Variants in BEST3 observed in about 807,000 individuals in gnomAD.
BEST3 encodes the protein bestrophin 3, also known as bestrophin-3.
In BEST3, 50 loss-of-function variants were observed where a neutral mutation model predicts 47.1. The observed-to-expected ratio is 1.06, with a 90% confidence interval of 0.85 to 1.34. The LOEUF (loss-of-function observed/expected upper bound fraction) is 1.34. BEST3 is among the 40% of genes most tolerant of loss of function. The pLI is 0.00. For missense variants in BEST3, 765 were observed against 817.0 expected (o/e 0.94, Z 0.78); for synonymous variants, 282 against 298.8 (o/e 0.94, Z 0.58).
chr12:69,649,848 G>C (rs11177767), downstream of BEST3, among the ~76,000 whole-genome samples: 1 of 152,018 alleles, frequency 6.6e-6, no homozygotes, highest in Non-Finnish European at 1.5e-5. Flanking sequence ...ACGCACCAGC[G>C]CTTTTGTGCA....
intron 4 of BEST3, among the ~76,000 whole-genome samples, chr12:69,686,779 C>CAAAAAAAAAAAAACCA (rs71094728): frequency 1.0e-5 from 1 of 99,382 alleles, no homozygotes; most frequent in Non-Finnish European, 2.0e-5. Context: ...CTCAAAAAAA[C>CAAAAAAAAAAAAACCA]AAAAAAAAAA....
rs1885438492 is a variant in BEST3 at position 69,684,467 on chromosome 12, G to T, written c.482-5574C>A. The T allele has an allele frequency of 1.3e-5, 7 of 538,106 alleles. No homozygotes were observed. The South Asian group carries it at 1.9e-4, about 15-fold the overall frequency. The allele number at this position is 538,106 out of a possible 1,614,324, so 33.3% of individuals were successfully genotyped here. On this transcript the variant is annotated intron_variant, in intron 4 of 9. Transcript: ENST00000330891. ...TAGAGATTCTGCCTGCTGTACAGTT[G>T]CTCTATTTTTCCTTGATTGAAGTTG...
downstream of BEST3, among the ~76,000 whole-genome samples, chr12:69,651,299 TGAGCCAGAAAA>T (rs1381983300): frequency 6.6e-6 from 1 of 152,214 alleles, no homozygotes; most frequent in Non-Finnish European, 1.5e-5. Flanking sequence ...GCAAGTGAAA[TGAGCCAGAAAA>T]GAGCCCATTT....
At position 69,671,281 on chromosome 12, in the gene BEST3, C is replaced by T. The variant is rs977129853; in HGVS notation, c.1100+147G>A. The T allele has an allele frequency of 1.9e-5, 15 of 772,708 alleles. No individual in the cohort carries two copies. The African/African-American group carries it at 2.4e-4, about 12-fold the overall frequency. The allele number at this position is 772,708 out of a possible 1,614,324, so 47.9% of individuals were successfully genotyped here. On this transcript the variant is annotated intron_variant, in intron 9 of 9. Transcript: ENST00000330891. ...CTGGGCTCAAGCAATCCTCCAACTG[C>T]AGCCTCCCCAAGTAGCTAGGACTAC...
chr12:69,693,551 C>T (rs1011048096), intron 4 of BEST3, 123 bp downstream of exon 4: 1 of 837,146 alleles, frequency 1.2e-6, no homozygotes, highest in Non-Finnish European at 1.8e-6. Flanking sequence ...AGGCATGAGC[C>T]ACCGCGCCCA....
At chr12:69,689,296 GT>G in intron 4 of BEST3, 1 of 984,386 alleles carries the variant, frequency 1.0e-6, no homozygotes, top group Non-Finnish European at 1.2e-6. Flanking sequence ...GCAGCAGGAA[GT>G]TCAGTGAGTC....
intron 7 of BEST3, among the ~76,000 whole-genome samples, chr12:69,674,364 G>C (rs1328972530): frequency 6.6e-6 from 1 of 152,176 alleles, no homozygotes; most frequent in African/African-American, 2.4e-5. Context: ...CTCCCCGAGA[G>C]ATTCTGATTT....
intron 4 of BEST3, among the ~76,000 whole-genome samples, chr12:69,688,481 G>T (rs1292923380): frequency 3.3e-5 from 5 of 152,152 alleles, no homozygotes; most frequent in Non-Finnish European, 5.9e-5. Flanking sequence ...AATTTAACCT[G>T]TAGCATCAAA....
chr12:69,664,469 C>A (rs1448223465), intron 9 of BEST3, among the ~76,000 whole-genome samples: 1 of 152,062 alleles, frequency 6.6e-6, no homozygotes, highest in Non-Finnish European at 1.5e-5. Context: ...TTCTTTAGGA[C>A]CTTGCTCTGT....
chr12:69,666,880 A>G (rs953990847), intron 9 of BEST3, among the ~76,000 whole-genome samples: 3 of 152,080 alleles, frequency 2.0e-5, no homozygotes, highest in African/African-American at 7.2e-5. Flanking sequence ...CCTTTCTTGA[A>G]TCTGTCCCTT....
chr12:69,680,434 G>A (rs1885188775), intron 4 of BEST3, among the ~76,000 whole-genome samples: 1 of 150,794 alleles, frequency 6.6e-6, no homozygotes, highest in East Asian at 2.0e-4. Flanking sequence ...TCAGCCTCCC[G>A]AGCAGCTGGG....
chr12:69,643,897 T>G (rs570660668), intron 9 of BEST3: 11 of 519,504 alleles, frequency 2.1e-5, no homozygotes, highest in African/African-American at 1.9e-4. Context: ...CCACCACACA[T>G]TTAATGTAAT....
rs749870577 is a variant in BEST3, at chr12:69,693,801, G to C, written c.354C>G (p.Asp118Glu). 1 of 1,614,116 alleles carries C rather than the reference G, an allele frequency of 6.2e-7. No individual in the cohort carries two copies. Among genetic ancestry groups the C allele is most frequent in the South Asian group, 1.1e-5 (1 of 91,064 alleles). ...TCCTTCTAAGCAGGCGCCCGTGCTC[G>C]TCGCTTCCGTGAACACTGCTAGAGA... ...FLISSSVHGS[D>E]EHGRLLRRTL... Residue 118 changes from aspartate (D) to glutamate (E), a missense_variant, in exon 4 of 10, where the codon GAC becomes GAG. Transcript: ENST00000330891.
rs895956434 is a variant in BEST3, at chr12:69,689,083, C to T, written c.481+4591G>A. ...TGCTTTACTTACCAGTCCTCTCTGC[C>T]CTCAGGCAGGAGCAGGTGCTCCGGC... On this transcript the variant is annotated intron_variant, in intron 4 of 9. Coordinates refer to ENST00000330891, the MANE Select transcript of BEST3 (RefSeq NM_032735.3). 1.7e-5 allele frequency: 17 copies of T among 985,350 alleles called. No homozygotes were observed. The South Asian group carries it at 6.1e-4, about 35-fold the overall frequency. 61.0% of individuals were successfully genotyped at this position (985,350 alleles called of 1,614,324 possible). A position where few individuals can be genotyped will look rare whatever the true frequency, so the allele number is the denominator to read the frequency against.
intron 9 of BEST3, among the ~76,000 whole-genome samples, chr12:69,668,476 A>G (rs1884363456): frequency 6.6e-6 from 1 of 152,214 alleles, no homozygotes; most frequent in Non-Finnish European, 1.5e-5. Context: ...CCAGTGCTAC[A>G]GTTCTTAACT....
In BEST3 at chr12:69,672,186, G is replaced by A. The variant is rs540662141; in HGVS notation, c.949-607C>T. On this transcript the variant is annotated intron_variant, in intron 8 of 9. Transcript: ENST00000330891. ...AAAGTGAGTGACCTAGGCATTATGCGTCCTCCCTAAGAGACTGACATTGGG... is the reference window on the plus strand; with the variant it reads ...AAAGTGAGTGACCTAGGCATTATGCATCCTCCCTAAGAGACTGACATTGGG... 7.2e-5 allele frequency among the ~76,000 whole-genome samples: 11 copies of A among 152,304 alleles called. No homozygotes were observed. The East Asian group carries it at 1.2e-3, about 16-fold the overall frequency.
chr12:69,693,375 T>C lies in BEST3; in HGVS notation c.481+299A>G, dbSNP rs539202526. ...GCCTCCCGGGTTCAAGTGATTCTCA[T>C]GCCTCAGCCTCCCCAGTAGCTGGGA... On this transcript the variant is annotated intron_variant, in intron 4 of 9. Coordinates refer to ENST00000330891, the MANE Select transcript of BEST3 (RefSeq NM_032735.3). Among the ~76,000 whole-genome samples the C allele has an allele frequency of 2.0e-5, 3 of 151,968 alleles. 1 individual carries two copies. In the South Asian group the frequency reaches 6.2e-4, roughly 32 times the overall value.
Position 69,654,029 on chromosome 12 carries a change from G to T in BEST3, c.*878C>A. The T allele has an allele frequency of 1.0e-6, 1 of 985,462 alleles. No homozygotes were observed. The highest frequency in any genetic ancestry group is 1.2e-6 in the Non-Finnish European group (1 of 829,942). The allele number at this position is 985,462 out of a possible 1,614,324, so 61.0% of individuals were successfully genotyped here. A position where few individuals can be genotyped will look rare whatever the true frequency, so the allele number is the denominator to read the frequency against. On this transcript the variant is annotated 3_prime_UTR_variant, in exon 10 of 10. Coordinates refer to ENST00000330891, the MANE Select transcript of BEST3 (RefSeq NM_032735.3). ...GAAGCAGAAAGAAATGTCAATGGCT[G>T]CAAGGGCACGGGGGGAACCATCACT...
intron 4 of BEST3, among the ~76,000 whole-genome samples, chr12:69,686,772 A>AAAAAAACAAAAAAAAC (rs1885621075): frequency 3.7e-5 from 2 of 54,098 alleles, no homozygotes; most frequent in South Asian, 1.1e-3. Flanking sequence ...ATTCTGCCTC[A>AAAAAAACAAAAAAAAC]AAAAAACAAA....
Sources: allele counts gnomAD v4.1 joint callset (sites outside exome capture counted in the v4.1 genomes callset), GRCh38; gene constraint gnomAD v4.1.1; transcripts MANE v1.5; gene names NCBI Gene and HGNC (gene_info 2026-07-23, HGNC 2026-07-21).